The following APPL2 variants were observed in gnomAD, a reference collection of about 807,000 sequenced individuals.
APPL2 encodes the protein DCC-interacting protein 13-beta.
A neutral mutation model predicts 92.7 loss-of-function variants in APPL2; 84 were observed. The ratio of observed to expected loss-of-function variants is 0.91; its 90% CI spans 0.76 to 1.09. APPL2 has a LOEUF of 1.09. Ranked by LOEUF, APPL2 falls within the 50% of genes least tolerant of loss-of-function variation. The pLI, the probability that APPL2 is intolerant of heterozygous loss-of-function variation, is 0.00. For synonymous variants in APPL2, 291 were observed against 291.0 expected (o/e 1.00, Z 0.00); for missense variants, 736 against 824.5 (o/e 0.89, Z 1.31).
At position 105,173,582 on chromosome 12, in the gene APPL2, A is replaced by G. The variant is rs952985589; in HGVS notation, c.*732T>C. The G allele has an allele frequency of 6.5e-6, 1 of 152,704 alleles. No individual in the cohort carries two copies. The highest frequency in any genetic ancestry group is 2.1e-4 in the South Asian group (1 of 4,836). 9.5% of individuals were successfully genotyped at this position (152,704 alleles called of 1,614,324 possible). The stretch of plus-strand genomic sequence containing the variant: ...TGGCTCAGAAGAAACAGGAACTGGT[A>G]GAGCTGCACCCTGTCCACAGTGATC... On this transcript the variant is annotated 3_prime_UTR_variant, in exon 21 of 21. Coordinates refer to ENST00000258530, the MANE Select transcript of APPL2 (RefSeq NM_018171.5).
At chr12:105,186,660 T>TC (rs1566056310) in intron 17 of APPL2, among the ~76,000 whole-genome samples, 1 of 92,680 alleles carries the variant, frequency 1.1e-5, no homozygotes, top group Non-Finnish European at 2.1e-5. Context: ...CGATATCATA[T>TC]ATATCATATA....
At position 105,200,174 on chromosome 12, in the gene APPL2, T is replaced by C. The variant is rs545100209; in HGVS notation, c.705-643A>G. 7.9e-5 allele frequency among the ~76,000 whole-genome samples: 12 copies of C among 152,290 alleles called. No homozygotes were observed. In the South Asian group the frequency reaches 2.5e-3, roughly 32 times the overall value. On this transcript the variant is annotated intron_variant, in intron 9 of 20. Transcript: ENST00000258530. ...GTTTTGCTGCTGACAGAGGTATCCA[T>C]GCTCAGCACCGTTGATGGAAATTTT... is the stretch of plus-strand genomic sequence containing the variant.
chr12:105,235,468 T>C (rs1163247768), intron 1 of APPL2: 2 of 152,390 alleles, frequency 1.3e-5, no homozygotes, highest in Middle Eastern at 3.4e-3. Context: ...ACAAGTCTCA[T>C]CACATCATTA....
chr12:105,209,694 C>G (rs1196756), intron 5 of APPL2, among the ~76,000 whole-genome samples: 125,365 of 152,238 alleles, frequency 0.82, 51,957 homozygotes, highest in East Asian at 1. Context: ...AGTGAGGACA[C>G]AATCATCAGC....
chr12:105,213,197 A>C (rs1315231245), intron 4 of APPL2, among the ~76,000 whole-genome samples: 1 of 152,222 alleles, frequency 6.6e-6, no homozygotes, highest in Non-Finnish European at 1.5e-5. Flanking sequence ...ATGGTTATGC[A>C]CTACAGAAAT....
intron 8 of APPL2, 74 bp downstream of exon 8, chr12:105,206,987 T>C (rs1057201566): frequency 2.0e-5 from 31 of 1,532,332 alleles, no homozygotes; most frequent in Non-Finnish European, 2.5e-5. Flanking sequence ...GATGCTTCAG[T>C]GTCTCCTGCG....
chr12:105,198,797 C>A (rs1272549995), intron 10 of APPL2, among the ~76,000 whole-genome samples: 2 of 152,238 alleles, frequency 1.3e-5, no homozygotes, highest in South Asian at 4.1e-4. Flanking sequence ...GAGATCAAGG[C>A]TCAGCCCAGC....
intron 2 of APPL2, among the ~76,000 whole-genome samples, chr12:105,218,604 C>A (rs567344985): frequency 1.3e-5 from 2 of 152,260 alleles, no homozygotes; most frequent in East Asian, 3.9e-4. Context: ...TGAAGTGGAG[C>A]GTGGCTGGGG....
chr12:105,222,418 T>C (rs921051398), intron 2 of APPL2, among the ~76,000 whole-genome samples: 1 of 152,026 alleles, frequency 6.6e-6, no homozygotes, highest in Non-Finnish European at 1.5e-5. Context: ...GAGCGGGGCA[T>C]GGAGGTATTC....
At chr12:105,228,906 T>C (rs533364502) in intron 2 of APPL2, among the ~76,000 whole-genome samples, 1 of 152,318 alleles carries the variant, frequency 6.6e-6, no homozygotes, top group Non-Finnish European at 1.5e-5. Flanking sequence ...ATGTGGCCCA[T>C]CTCTAATGGT....
rs192349567 is a variant in APPL2, at chr12:105,179,255, T to C, written c.1635-1993A>G. ...TGCGGTGTTTGGTTTTCTGTTCCTG[T>C]GTTAGTTTGCTGAGAATGATGGTTT... On this transcript the variant is annotated intron_variant, in intron 17 of 20. Coordinates refer to ENST00000258530, the MANE Select transcript of APPL2 (RefSeq NM_018171.5). Among the ~76,000 whole-genome samples the C allele has an allele frequency of 1.4e-4, 22 of 152,236 alleles. No individual in the cohort carries two copies. In the East Asian group the frequency reaches 4.1e-3, roughly 28 times the overall value.
chr12:105,210,142 A>C (rs1889092438), intron 5 of APPL2, among the ~76,000 whole-genome samples: 1 of 152,022 alleles, frequency 6.6e-6, no homozygotes, highest in Admixed American at 6.5e-5. Flanking sequence ...TTATAGTTTT[A>C]GTAGAGACGA....
intron 20 of APPL2, among the ~76,000 whole-genome samples, chr12:105,174,873 T>TGTTGGG (rs2135867225): frequency 2.9e-5 from 1 of 35,010 alleles, no homozygotes; most frequent in Admixed American, 4.1e-4. Flanking sequence ...TGCTTTTTTT[T>TGTTGGG]GGTGGGGGGG....
intron 2 of APPL2, among the ~76,000 whole-genome samples, chr12:105,221,888 C>T (rs1592830330): frequency 6.6e-6 from 1 of 152,208 alleles, no homozygotes; most frequent in Non-Finnish European, 1.5e-5. Context: ...TAGCACAGAA[C>T]GCTAACTAAA....
intron 2 of APPL2, among the ~76,000 whole-genome samples, chr12:105,226,801 T>C (rs148504572): frequency 1.2e-3 from 188 of 152,344 alleles, no homozygotes; most frequent in African/African-American, 4.3e-3. Flanking sequence ...AAATTCTGAA[T>C]GTCTTAACAA....
In APPL2 at chr12:105,189,974, CCT is replaced by C. The variant is rs762967345; in HGVS notation, c.1406+15_1406+16del. ...TTACTTTCAGTTCTCCCAGAGATAA[CCT>C]CTCTCAGCCCATACCTGCTCCCTCT... On this transcript the variant is annotated intron_variant, in intron 15 of 20. Transcript: ENST00000258530. The C allele has an allele frequency of 1.2e-6, 2 of 1,612,644 alleles. No homozygotes were observed. The highest frequency in any genetic ancestry group is 8.5e-7 in the Non-Finnish European group (1 of 1,178,906).
Position 105,189,993 on chromosome 12 carries a change from G to A in APPL2, c.1404C>T (p.Ser468=), listed in dbSNP as rs1295123683. The change falls in exon 15 of 21, where the codon AGC becomes AGT. Residue 468 remains serine, a splice_region_variant and synonymous_variant. Coordinates refer to ENST00000258530, the MANE Select transcript of APPL2 (RefSeq NM_018171.5). The part of the protein sequence containing the change: ...ATEFLDQNRG[S]RRTNPFGETE... Reference sequence around the variant, plus strand: ...AGATAACCTCTCTCAGCCCATACCTGCTCCCTCTGTTCTGATCAAGGAATT... The same window carrying A: ...AGATAACCTCTCTCAGCCCATACCTACTCCCTCTGTTCTGATCAAGGAATT... 15 of 1,613,858 alleles carry A rather than the reference G, an allele frequency of 9.3e-6. No homozygotes were observed. In the African/African-American group the frequency reaches 1.5e-4, roughly 16 times the overall value.
chr12:105,201,711 T>C (rs1050281020), intron 9 of APPL2, among the ~76,000 whole-genome samples: 1 of 151,830 alleles, frequency 6.6e-6, no homozygotes, highest in Non-Finnish European at 1.5e-5. Flanking sequence ...AAAAAAAGCA[T>C]GTATATATAT....
At chr12:105,184,596 C>T (rs545796945) in intron 17 of APPL2, among the ~76,000 whole-genome samples, 6 of 152,212 alleles carry the variant, frequency 3.9e-5, no homozygotes, top group Non-Finnish European at 5.9e-5. Flanking sequence ...TGCAGAATAG[C>T]AAAGACTGCT....
Sources: allele counts gnomAD v4.1 joint callset (sites outside exome capture counted in the v4.1 genomes callset), GRCh38; gene constraint gnomAD v4.1.1; transcripts MANE v1.5; gene names NCBI Gene and HGNC (gene_info 2026-07-23, HGNC 2026-07-21).